Variants in HLF observed in about 807,000 individuals in gnomAD.
The protein encoded by HLF is HLF transcription factor, PAR bZIP family member, also known as hepatic leukemia factor.
A neutral mutation model predicts 22.6 loss-of-function variants in HLF; 3 were observed. That is an observed-to-expected ratio of 0.13 (90% CI 0.06 to 0.34). The LOEUF is 0.34. Ranked by LOEUF, HLF falls within the 10% of genes least tolerant of loss-of-function variation. The pLI is 1.00. For missense variants in HLF, 299 were observed against 389.2 expected (o/e 0.77, Z 1.95); for synonymous variants, 151 against 151.8 (o/e 0.99, Z 0.04).
intron 2 of HLF, among the ~76,000 whole-genome samples, chr17:55,314,195 G>A (rs1318660745): frequency 1.3e-5 from 2 of 152,200 alleles, no homozygotes; most frequent in African/African-American, 4.8e-5. Context: ...ACTTTCACCA[G>A]TAAGACACAT....
At chr17:55,271,009 G>A (rs11658652) in intron 2 of HLF, among the ~76,000 whole-genome samples, 13,131 of 152,174 alleles carry the variant, frequency 0.086, 746 homozygotes, top group Non-Finnish European at 0.12. Context: ...CCTCCTAGTT[G>A]CAAGTAGGAC....
At chr17:55,313,811 CT>C (rs1269382693) in intron 2 of HLF, among the ~76,000 whole-genome samples, 1 of 152,098 alleles carries the variant, frequency 6.6e-6, no homozygotes, top group Non-Finnish European at 1.5e-5. Context: ...CCATCTCTTC[CT>C]CTTTGGCAAG....
intron 2 of HLF, among the ~76,000 whole-genome samples, chr17:55,285,978 G>C (rs557997778): frequency 3.0e-4 from 46 of 152,132 alleles, no homozygotes; most frequent in Non-Finnish European, 5.0e-4. Flanking sequence ...TCCTTCCTCG[G>C]GCCACCCTTT....
intron 2 of HLF, among the ~76,000 whole-genome samples, chr17:55,289,693 G>A (rs1459054660): frequency 2.6e-5 from 4 of 152,138 alleles, no homozygotes; most frequent in Non-Finnish European, 5.9e-5. Flanking sequence ...ATTCAGTACA[G>A]TTGCCATATA....
chr17:55,288,570 C>G (rs1455359437), intron 2 of HLF, among the ~76,000 whole-genome samples: 1 of 151,986 alleles, frequency 6.6e-6, no homozygotes, highest in Non-Finnish European at 1.5e-5. Context: ...TGAGACCAGC[C>G]TGGGCAATGT....
In HLF at chr17:55,265,612, G is replaced by A; in HGVS notation, c.115+13G>A. On this transcript the variant is annotated intron_variant, in intron 1 of 3. Coordinates refer to ENST00000226067, the MANE Select transcript of HLF (RefSeq NM_002126.5). ...CACCACGAAGACGGTGAGCGCTGCC[G>A]CGGCCCCGCTCCGGGAAGGGACGAC... is the stretch of plus-strand genomic sequence containing the variant. 6.4e-7 allele frequency: 1 copy of A among 1,557,404 alleles called. No homozygotes were observed. The highest frequency in any genetic ancestry group is 1.1e-5 in the South Asian group (1 of 88,356).
intron 2 of HLF, among the ~76,000 whole-genome samples, chr17:55,305,319 T>G (rs1904494132): frequency 2.0e-5 from 3 of 152,098 alleles, no homozygotes. Context: ...TTCAGGAGGA[T>G]GGAGGAAGTG....
chr17:55,287,494 C>T (rs577511205), intron 2 of HLF, among the ~76,000 whole-genome samples: 1 of 152,334 alleles, frequency 6.6e-6, no homozygotes, highest in Admixed American at 6.5e-5. Flanking sequence ...CCTGCCTGCA[C>T]TTGGGAAGTG....
intron 2 of HLF, among the ~76,000 whole-genome samples, chr17:55,305,046 C>G (rs1401841161): frequency 6.6e-6 from 1 of 152,192 alleles, no homozygotes; most frequent in Non-Finnish European, 1.5e-5. Flanking sequence ...AATTTGCATA[C>G]TAATAGTTTA....
rs527326646 is a variant in HLF, at chr17:55,290,491, A to G, written c.451+22405A>G. 5.9e-5 allele frequency among the ~76,000 whole-genome samples: 9 copies of G among 152,218 alleles called. No individual in the cohort carries two copies. The South Asian group carries it at 1.5e-3, about 25-fold the overall frequency. On this transcript the variant is annotated intron_variant, in intron 2 of 3. Coordinates refer to ENST00000226067, the MANE Select transcript of HLF (RefSeq NM_002126.5). The stretch of plus-strand genomic sequence containing the variant: ...ATGATCAGTGATCTTTGATGTTACT[A>G]TTGTTATTGTTTGGGGGCACCATGA...
In HLF at chr17:55,323,648, C is replaced by G. The variant is rs912779414; in HGVS notation, c.*2769C>G. 1 of 229,286 alleles carries G rather than the reference C, an allele frequency of 4.4e-6. No homozygotes were observed. The highest frequency in any genetic ancestry group is 8.7e-6 in the Non-Finnish European group (1 of 115,324). The allele number at this position is 229,286 out of a possible 1,614,324, so 14.2% of individuals were successfully genotyped here. A position where few individuals can be genotyped will look rare whatever the true frequency, so the allele number is the denominator to read the frequency against. ...AGGTCATTGTCACGATACACACACA[C>G]GAACACTCCCTCTGGACTGGCTGCC... On this transcript the variant is annotated 3_prime_UTR_variant, in exon 4 of 4. Coordinates refer to ENST00000226067, the MANE Select transcript of HLF (RefSeq NM_002126.5).
At chr17:55,317,395 G>A (rs922281519) in intron 3 of HLF, among the ~76,000 whole-genome samples, 1 of 152,184 alleles carries the variant, frequency 6.6e-6, no homozygotes, top group African/African-American at 2.4e-5. Context: ...CTTCCAGCCA[G>A]ACTTTCACAA....
At chr17:55,283,260 G>T (rs1206321787) in intron 2 of HLF, among the ~76,000 whole-genome samples, 1 of 152,164 alleles carries the variant, frequency 6.6e-6, no homozygotes, top group African/African-American at 2.4e-5. Context: ...AGTCAGGTTT[G>T]TAGGACCTGC....
At chr17:55,271,080 G>A (rs1440745203) in intron 2 of HLF, among the ~76,000 whole-genome samples, 1 of 152,156 alleles carries the variant, frequency 6.6e-6, no homozygotes, top group Non-Finnish European at 1.5e-5. Context: ...TGTCCCCTGG[G>A]CATAATACAG....
In HLF at chr17:55,321,886, G is replaced by T. The variant is rs77554004; in HGVS notation, c.*1007G>T. On this transcript the variant is annotated 3_prime_UTR_variant, in exon 4 of 4. Coordinates refer to ENST00000226067, the MANE Select transcript of HLF (RefSeq NM_002126.5). Reference sequence around the variant, plus strand: ...TTCCCCTTCCCTCACACCCTGCCTCGCCCCCACTTTTCTAGTTAACTTTTT... The same window carrying T: ...TTCCCCTTCCCTCACACCCTGCCTCTCCCCCACTTTTCTAGTTAACTTTTT... The T allele has an allele frequency of 1.5e-3, 342 of 231,232 alleles. 6 individuals carry two copies. In the East Asian group the frequency reaches 0.021, roughly 14 times the overall value. The allele number at this position is 231,232 out of a possible 1,614,324, so 14.3% of individuals were successfully genotyped here. A position where few individuals can be genotyped will look rare whatever the true frequency, so the allele number is the denominator to read the frequency against.
chr17:55,298,040 G>A (rs1303783082), intron 2 of HLF, among the ~76,000 whole-genome samples: 2 of 152,006 alleles, frequency 1.3e-5, no homozygotes, highest in African/African-American at 4.8e-5. Flanking sequence ...ATGAGCCACC[G>A]CGCCCAGCCA....
At chr17:55,280,852 G>A (rs2080947816) in intron 2 of HLF, among the ~76,000 whole-genome samples, 1 of 152,188 alleles carries the variant, frequency 6.6e-6, no homozygotes, top group Non-Finnish European at 1.5e-5. Context: ...CTGCTGAAGT[G>A]AAATGGAAAT....
chr17:55,321,174 G>T lies in HLF; in HGVS notation c.*295G>T. ...TGCCATGTCTTTACTAGACTGAGGAGCCCTCTCGCGGGTCTCCCATCCCCT... is the reference window on the plus strand; with the variant it reads ...TGCCATGTCTTTACTAGACTGAGGATCCCTCTCGCGGGTCTCCCATCCCCT... On this transcript the variant is annotated 3_prime_UTR_variant, in exon 4 of 4. Transcript: ENST00000226067. 1 of 331,818 alleles carries T rather than the reference G, an allele frequency of 3.0e-6. No individual in the cohort carries two copies. Among genetic ancestry groups the T allele is most frequent in the Non-Finnish European group, 5.6e-6 (1 of 177,686 alleles). The allele number at this position is 331,818 out of a possible 1,614,324, so 20.6% of individuals were successfully genotyped here. A position where few individuals can be genotyped will look rare whatever the true frequency, so the allele number is the denominator to read the frequency against.
At chr17:55,285,908 G>A (rs150140666) in intron 2 of HLF, among the ~76,000 whole-genome samples, 6 of 152,302 alleles carry the variant, frequency 3.9e-5, no homozygotes, top group Admixed American at 1.3e-4. Context: ...TCTTCTTCGC[G>A]GTGCCCAGGT....
Sources: allele counts gnomAD v4.1 joint callset (sites outside exome capture counted in the v4.1 genomes callset), GRCh38; gene constraint gnomAD v4.1.1; transcripts MANE v1.5; gene names NCBI Gene and HGNC (gene_info 2026-07-23, HGNC 2026-07-21).